The following ROBO1 variants were observed in gnomAD, a reference collection of about 807,000 sequenced individuals.
ROBO1 encodes roundabout guidance receptor 1.
ROBO1 carries 149 observed loss-of-function variants against 195.9 expected under a neutral mutation model. The ratio of observed to expected loss-of-function variants is 0.76; its 90% CI spans 0.67 to 0.87. The LOEUF is 0.87. ROBO1 is among the 40% of genes least tolerant of loss of function. The pLI, the probability that ROBO1 is intolerant of heterozygous loss-of-function variation, is 0.00. For missense variants in ROBO1, 1,933 were observed against 2,068.3 expected, an observed-to-expected ratio of 0.93 and a Z score of 1.27; for synonymous variants, 816 against 733.2, an observed-to-expected ratio of 1.11 and a Z score of -1.82.
chr3:78,619,112 C>A (rs78291656), intron 26 of ROBO1, among the ~76,000 whole-genome samples: 1,686 of 152,250 alleles, frequency 0.011, 13 homozygotes, highest in Middle Eastern at 0.02. Flanking sequence ...ACTTGCTCAA[C>A]AGTCCTAATA....
intron 2 of ROBO1, among the ~76,000 whole-genome samples, chr3:79,247,151 T>G (rs1334873251): frequency 6.8e-6 from 1 of 146,152 alleles, no homozygotes. Flanking sequence ...TTGTAAGAAG[T>G]ATAATAGAGA....
intron 4 of ROBO1, among the ~76,000 whole-genome samples, chr3:78,925,910 G>A (rs963507068): frequency 2.6e-5 from 4 of 151,422 alleles, no homozygotes; most frequent in African/African-American, 9.7e-5. Flanking sequence ...TCGCTCTGTT[G>A]CCCAGGCTGG....
intron 23 of ROBO1, chr3:78,634,499 T>C: frequency 2.7e-6 from 1 of 366,524 alleles, no homozygotes. Context: ...GTCGTCTAGT[T>C]GCATTCCAGG....
chr3:79,407,757 A>G (rs2037604732), intron 2 of ROBO1, among the ~76,000 whole-genome samples: 1 of 152,124 alleles, frequency 6.6e-6, no homozygotes. Context: ...ATTGGTTACA[A>G]TCTCTGATTT....
intron 4 of ROBO1, among the ~76,000 whole-genome samples, chr3:78,818,579 G>A (rs1353037889): frequency 1.3e-5 from 2 of 152,188 alleles, no homozygotes; most frequent in Non-Finnish European, 2.9e-5. Flanking sequence ...GGAAGTACAC[G>A]CAGTCAGCGC....
chr3:78,821,007 A>T (rs982340497), intron 4 of ROBO1, among the ~76,000 whole-genome samples: 4 of 152,230 alleles, frequency 2.6e-5, no homozygotes, highest in Admixed American at 2.0e-4. Flanking sequence ...CTAAGAAAAT[A>T]ATTCAAGCCA....
Position 79,055,002 on chromosome 3 carries a change from G to T in ROBO1, c.172+70454C>A, listed in dbSNP as rs989624491. 2.0e-5 allele frequency among the ~76,000 whole-genome samples: 3 copies of T among 152,096 alleles called. No homozygotes were observed. The South Asian group carries it at 6.2e-4, about 32-fold the overall frequency. ...GTCCACCTCCACAGTAGGGGGTAGGGTGGTCAATCTCTGTAGCACCATTCC... is the reference window on the plus strand; with the variant it reads ...GTCCACCTCCACAGTAGGGGGTAGGTTGGTCAATCTCTGTAGCACCATTCC... On this transcript the variant is annotated intron_variant, in intron 3 of 30. Transcript: ENST00000464233.
At chr3:79,375,219 G>A (rs2036338920) in intron 2 of ROBO1, among the ~76,000 whole-genome samples, 1 of 152,142 alleles carries the variant, frequency 6.6e-6, no homozygotes, top group African/African-American at 2.4e-5. Context: ...TCTGTGGATT[G>A]TGAAGACATA....
chr3:79,245,659 G>C lies in ROBO1; in HGVS notation c.89-120120C>G, dbSNP rs563564931. ...CCCTCAAAAAAATGCAAAGGGAAAA[G>C]GCAAAGTTACATTGTAGAAGGTAAA... On this transcript the variant is annotated intron_variant, in intron 2 of 30. Coordinates refer to ENST00000464233, the MANE Select transcript of ROBO1 (RefSeq NM_002941.4). Among the ~76,000 whole-genome samples the C allele has an allele frequency of 1.4e-3, 207 of 151,470 alleles. 1 individual carries two copies. Among genetic ancestry groups the C allele is most frequent in the African/African-American group, 4.8e-3 (199 of 41,286 alleles).
chr3:79,292,847 T>A (rs1248071009), intron 2 of ROBO1, among the ~76,000 whole-genome samples: 1 of 152,174 alleles, frequency 6.6e-6, no homozygotes, highest in African/African-American at 2.4e-5. Context: ...CTTTTTTTGT[T>A]GTGTCTCTGC....
At chr3:79,379,937 T>C (rs2036514771) in intron 2 of ROBO1, among the ~76,000 whole-genome samples, 1 of 152,240 alleles carries the variant, frequency 6.6e-6, no homozygotes, top group Non-Finnish European at 1.5e-5. Context: ...TTTAACCCTG[T>C]ATTATATAAC....
At chr3:79,292,954 C>G (rs1030333744) in intron 2 of ROBO1, among the ~76,000 whole-genome samples, 5 of 152,144 alleles carry the variant, frequency 3.3e-5, no homozygotes, top group African/African-American at 1.2e-4. Flanking sequence ...AAGAATGGTA[C>G]CAGCTCCTCT....
At chr3:78,709,953 C>A (rs1348845347) in intron 8 of ROBO1, among the ~76,000 whole-genome samples, 2 of 152,182 alleles carry the variant, frequency 1.3e-5, no homozygotes, top group African/African-American at 2.4e-5. Context: ...CCAAAATGGT[C>A]ATAAATTTCA....
chr3:79,335,741 G>A (rs1277802014), intron 2 of ROBO1, among the ~76,000 whole-genome samples: 3 of 152,142 alleles, frequency 2.0e-5, no homozygotes, highest in Non-Finnish European at 4.4e-5. Context: ...AAAGATACCT[G>A]AAAATGTGGA....
intron 4 of ROBO1, among the ~76,000 whole-genome samples, chr3:78,871,742 C>CAAAAAA (rs71127366): frequency 2.7e-3 from 297 of 110,962 alleles, no homozygotes; most frequent in Non-Finnish European, 3.4e-3. Flanking sequence ...GCTTTCACAG[C>CAAAAAA]AAAAAAAAAA....
At chr3:79,178,683 C>A (rs1002954282) in intron 2 of ROBO1, among the ~76,000 whole-genome samples, 6 of 152,204 alleles carry the variant, frequency 3.9e-5, no homozygotes, top group Non-Finnish European at 2.9e-5. Context: ...GGTTAATTTA[C>A]TGCCAGGAGC....
At chr3:78,906,815 A>T (rs2037950619) in intron 4 of ROBO1, among the ~76,000 whole-genome samples, 1 of 152,164 alleles carries the variant, frequency 6.6e-6, no homozygotes, top group South Asian at 2.1e-4. Context: ...ATTACATGTT[A>T]ACGTAAGTAA....
At chr3:79,596,014 G>A (rs960913976) in intron 1 of ROBO1, among the ~76,000 whole-genome samples, 7 of 151,952 alleles carry the variant, frequency 4.6e-5, no homozygotes, top group Non-Finnish European at 1.0e-4. Context: ...CATTGGTAAA[G>A]GAGATATTCT....
intron 2 of ROBO1, among the ~76,000 whole-genome samples, chr3:79,265,260 T>C (rs900559285): frequency 1.3e-5 from 2 of 151,702 alleles, no homozygotes; most frequent in African/African-American, 4.8e-5. Flanking sequence ...CTTTTGGAGA[T>C]AGGACTAGTC....
Sources: gnomAD v4.1 joint callset for allele counts (sites outside exome capture counted in the v4.1 genomes callset) on GRCh38, gnomAD v4.1.1 for gene constraint, MANE v1.5 for transcripts, NCBI Gene and HGNC (gene_info 2026-07-23, HGNC 2026-07-21) for gene names.